The following QRICH1 variants were observed in gnomAD, a reference collection of about 807,000 sequenced individuals.
The protein encoded by QRICH1 is transcriptional regulator QRICH1.
QRICH1 carries 16 observed loss-of-function variants against 87.1 expected under a neutral mutation model. That is an observed-to-expected ratio of 0.18 (90% CI 0.12 to 0.28). The LOEUF (loss-of-function observed/expected upper bound fraction) is 0.28, where lower values mean the gene tolerates loss of function less well. QRICH1 is among the 10% of genes least tolerant of loss of function. The probability of loss-of-function intolerance (pLI) is 1.00; values close to 1 mark genes in which losing one functional copy is unlikely to be tolerated. For missense variants in QRICH1, 647 were observed against 951.7 expected, an observed-to-expected ratio of 0.68 and a Z score of 4.21; for synonymous variants, 367 against 368.4, an observed-to-expected ratio of 1.00 and a Z score of 0.05.
In QRICH1 at chr3:49,043,148, A is replaced by T. The variant is rs2093320187; in HGVS notation, c.1786+1242T>A. On this transcript the variant is annotated intron_variant, in intron 6 of 9. Transcript: ENST00000395443. ...GGTATATACTTAAGGAGTTATATGG[A>T]AATTCTCTGTACTTACTGCTAAATT... is the stretch of plus-strand genomic sequence containing the variant. 1.3e-5 allele frequency among the ~76,000 whole-genome samples: 2 copies of T among 152,144 alleles called. 1 individual carries two copies. The highest frequency in any genetic ancestry group is 4.1e-4 in the South Asian group (2 of 4,830).
At chr3:49,075,696 T>C (rs926643034) in intron 2 of QRICH1, among the ~76,000 whole-genome samples, 3 of 151,956 alleles carry the variant, frequency 2.0e-5, no homozygotes, top group African/African-American at 7.3e-5. Flanking sequence ...ATCCCAGCAC[T>C]TTGGCACTTT....
chr3:49,033,274 C>T lies in QRICH1; in HGVS notation c.1787-46G>A, dbSNP rs747294022. On this transcript the variant is annotated intron_variant, in intron 6 of 9. Transcript: ENST00000395443. ...TCACAACAAGAGGATGGCAGGTGGTCTCTCAAAGGTACAATATGGGATGTG... is the reference window on the plus strand; with the variant it reads ...TCACAACAAGAGGATGGCAGGTGGTTTCTCAAAGGTACAATATGGGATGTG... 7 of 1,255,186 alleles carry T rather than the reference C, an allele frequency of 5.6e-6. No homozygotes were observed. In the African/African-American group the frequency reaches 7.7e-5, roughly 14 times the overall value. 77.8% of individuals were successfully genotyped at this position (1,255,186 alleles called of 1,614,324 possible).
Position 49,030,456 on chromosome 3 carries a change from T to G in QRICH1, c.2327A>C (p.His776Pro). The G allele has an allele frequency of 3.7e-6, 6 of 1,613,152 alleles. No individual in the cohort carries two copies. Among genetic ancestry groups the G allele is most frequent in the Non-Finnish European group, 5.1e-6 (6 of 1,179,970 alleles). ...AIAVANASTM[H>P] ...TTGTGCCATGGCCAAGGCATCTCAG[T>G]GCATAGTGCTTGCATTGGCCACTGC... The change falls in exon 10 of 10, where the codon CAC (histidine) becomes CCC (proline). Residue 776 changes from histidine (H) to proline (P), a missense_variant. His to Pro is a moderately conservative substitution (Grantham distance 77). This residue lies in a region of QRICH1 where 56 missense variants were observed against 79.4 expected (regional missense o/e 0.71). Transcript: ENST00000395443.
At chr3:49,033,391 A>G (rs1301746930) in intron 6 of QRICH1, 163 bp from the exon 7 acceptor site, 2 of 415,296 alleles carry the variant, frequency 4.8e-6, no homozygotes, top group African/African-American at 2.1e-5. Context: ...CTTAAAACAC[A>G]GATAGCTGGG....
intron 2 of QRICH1, among the ~76,000 whole-genome samples, chr3:49,059,256 C>T (rs2093421040): frequency 1.3e-5 from 2 of 148,828 alleles, no homozygotes; most frequent in Non-Finnish European, 1.5e-5. Flanking sequence ...TGAGCCATCA[C>T]AAGGGACCGT....
At chr3:49,085,480 C>A (rs1279889975) in intron 1 of QRICH1, among the ~76,000 whole-genome samples, 8 of 148,486 alleles carry the variant, frequency 5.4e-5, no homozygotes, top group South Asian at 2.1e-4. Flanking sequence ...ACCTGCCGAA[C>A]GAGGTGGCTC....
At position 49,076,573 on chromosome 3, in the gene QRICH1, T is replaced by C. The variant is rs565405425; in HGVS notation, c.309+136A>G. The C allele has an allele frequency of 6.8e-5, 62 of 909,220 alleles. No homozygotes were observed. The African/African-American group carries it at 9.9e-4, about 15-fold the overall frequency. The allele number at this position is 909,220 out of a possible 1,614,324, so 56.3% of individuals were successfully genotyped here. A position where few individuals can be genotyped will look rare whatever the true frequency, so the allele number is the denominator to read the frequency against. On this transcript the variant is annotated intron_variant, in intron 2 of 9. Coordinates refer to ENST00000395443, the MANE Select transcript of QRICH1 (RefSeq NM_198880.3). ...AAAAGGAGAAGAAAGAAAAAACTTT[T>C]AGTCCACATTAACTTTGAAAATCTT...
chr3:49,044,802 G>C (rs2093329945), intron 5 of QRICH1, among the ~76,000 whole-genome samples: 1 of 152,114 alleles, frequency 6.6e-6, no homozygotes, highest in African/African-American at 2.4e-5. Context: ...CCTTCCATTA[G>C]ATATTGTATA....
chr3:49,034,393 G>A (rs1249070777), intron 6 of QRICH1, among the ~76,000 whole-genome samples: 1 of 150,234 alleles, frequency 6.7e-6, no homozygotes, highest in Admixed American at 6.7e-5. Flanking sequence ...AGTGAGCCGT[G>A]ATCGCACCAC....
Position 49,077,019 on chromosome 3 carries a change from T to G in QRICH1, c.-2A>C, listed in dbSNP as rs751147545. 1 of 1,457,924 alleles carries G rather than the reference T, an allele frequency of 6.9e-7. No individual in the cohort carries two copies. Among genetic ancestry groups the G allele is most frequent in the Non-Finnish European group, 9.2e-7 (1 of 1,090,456 alleles). The allele number at this position is 1,457,924 out of a possible 1,614,324, so 90.3% of individuals were successfully genotyped here. A position where few individuals can be genotyped will look rare whatever the true frequency, so the allele number is the denominator to read the frequency against. On this transcript the variant is annotated 5_prime_UTR_variant, in exon 2 of 10. Transcript: ENST00000395443. ...GGTGTTCTCTAGGGAATTATTCATA[T>G]TGCAGAGTCCTTAGGGTTCCTAGAA...
At chr3:49,037,151 C>T (rs767541360) in intron 6 of QRICH1, among the ~76,000 whole-genome samples, 12 of 145,572 alleles carry the variant, frequency 8.2e-5, no homozygotes, top group Non-Finnish European at 1.7e-4. Flanking sequence ...CATTAGAATA[C>T]TGTTTTGCAA....
At position 49,030,392 on chromosome 3, in the gene QRICH1, AGT is replaced by A; in HGVS notation, c.*58_*59del. 6.7e-7 allele frequency: 1 copy of A among 1,502,152 alleles called. No homozygotes were observed. Among genetic ancestry groups the A allele is most frequent in the Non-Finnish European group, 9.1e-7 (1 of 1,098,850 alleles). 93.1% of individuals were successfully genotyped at this position (1,502,152 alleles called of 1,614,324 possible). A position where few individuals can be genotyped will look rare whatever the true frequency, so the allele number is the denominator to read the frequency against. ...AAAAAAAAATGGAGGCCTCTTCTTT[AGT>A]GTGAAAGTCTGTCTGGTTTTTCCTG... On this transcript the variant is annotated 3_prime_UTR_variant, in exon 10 of 10. Transcript: ENST00000395443.
At chr3:49,073,022 A>G (rs938621105) in intron 2 of QRICH1, among the ~76,000 whole-genome samples, 3 of 152,046 alleles carry the variant, frequency 2.0e-5, no homozygotes, top group African/African-American at 7.2e-5. Flanking sequence ...AGCCTGGGCA[A>G]GTGAAATCCT....
At chr3:49,059,087 G>T (rs1038839368) in intron 2 of QRICH1, among the ~76,000 whole-genome samples, 1 of 150,872 alleles carries the variant, frequency 6.6e-6, no homozygotes, top group Non-Finnish European at 1.5e-5. Context: ...TCAGCCTCCC[G>T]GGTAGCTGGG....
At chr3:49,048,799 A>AC (rs2093353589) in intron 3 of QRICH1, among the ~76,000 whole-genome samples, 3 of 148,422 alleles carry the variant, frequency 2.0e-5, no homozygotes, top group Non-Finnish European at 3.0e-5. Flanking sequence ...AAAAAAAAAA[A>AC]CCAAAAAAAA....
chr3:49,086,805 G>C (rs2042174186), intron 1 of QRICH1: 2 of 151,984 alleles, frequency 1.3e-5, no homozygotes, highest in South Asian at 4.2e-4. Context: ...CCTCTTTTGG[G>C]CCCCCTGTAT....
At chr3:49,082,975 G>C (rs2042092425) in intron 1 of QRICH1, among the ~76,000 whole-genome samples, 1 of 151,702 alleles carries the variant, frequency 6.6e-6, no homozygotes, top group Non-Finnish European at 1.5e-5. Context: ...GGGGGGCCAA[G>C]GAAGGTGGAT....
At chr3:49,071,851 C>A (rs1393236577) in intron 2 of QRICH1, among the ~76,000 whole-genome samples, 1 of 152,138 alleles carries the variant, frequency 6.6e-6, no homozygotes, top group Admixed American at 6.6e-5. Context: ...AGCCACCATA[C>A]CCAGTTAATT....
chr3:49,073,017 G>C (rs1356016416), intron 2 of QRICH1, among the ~76,000 whole-genome samples: 1 of 151,820 alleles, frequency 6.6e-6, no homozygotes, highest in African/African-American at 2.4e-5. Flanking sequence ...ACTCCAGCCT[G>C]GGCAAGTGAA....
Sources: allele counts gnomAD v4.1 joint callset (sites outside exome capture counted in the v4.1 genomes callset), GRCh38; gene constraint gnomAD v4.1.1; regional missense constraint gnomAD v4.1.1; transcripts MANE v1.5; gene names NCBI Gene and HGNC (gene_info 2026-07-23, HGNC 2026-07-21).